Variants in DMD observed in about 807,000 individuals in gnomAD.
DMD encodes dystrophin, also known as mutant dystrophin.
DMD carries 63 observed loss-of-function variants against 330.1 expected under a neutral mutation model. The ratio of observed to expected loss-of-function variants is 0.19; its 90% CI spans 0.16 to 0.24. The LOEUF is 0.24. Among genes scored for constraint, DMD ranks in the 10% least tolerant of loss-of-function variants. The probability of loss-of-function intolerance (pLI) is 1.00; values close to 1 mark genes in which losing one functional copy is unlikely to be tolerated. For synonymous variants in DMD, 1,223 were observed against 959.8 expected, an observed-to-expected ratio of 1.27 and a Z score of -5.07; for missense variants, 3,344 against 2,684.1, an observed-to-expected ratio of 1.25 and a Z score of -5.43.
Position 31,223,182 on chromosome X carries a change from C to T in DMD, c.9287-61G>A, listed in dbSNP as rs1007120117. On this transcript the variant is annotated intron_variant, in intron 63 of 78. Transcript: ENST00000357033. Reference sequence around the variant, plus strand: ...CATCAGAAATAACAGACAACCCACCCCCGACGCCCAGTGATTTGCCAATAA... The same window carrying T: ...CATCAGAAATAACAGACAACCCACCTCCGACGCCCAGTGATTTGCCAATAA... The T allele has an allele frequency of 3.0e-5, 31 of 1,027,785 alleles. 1 individual carries two copies. Among genetic ancestry groups the T allele is most frequent in the Middle Eastern group, 5.0e-4 (2 of 3,963 alleles). 84.7% of individuals were successfully genotyped at this position (1,027,785 alleles called of 1,213,427 possible).
At chrX:32,717,756 C>A (rs1196939904) in intron 7 of DMD, among the ~76,000 whole-genome samples, 16 of 111,386 alleles carry the variant, frequency 1.4e-4, no homozygotes, top group Non-Finnish European at 1.9e-5. Context: ...ACTAAGGGTG[C>A]TGTACACCCT....
Position 31,559,640 on chromosome X carries a change from C to CAAAAA in DMD, c.8218-52192_8218-52188dup, listed in dbSNP as rs1167550498. Reference sequence around the variant, plus strand: ...TGGGCGACAGAGCGAAACTCCGTCTCAAAAAAAAAAAAAAAAAAAAAAAAA... The same window carrying CAAAAA: ...TGGGCGACAGAGCGAAACTCCGTCTCAAAAAAAAAAAAAAAAAAAAAAAAAAAAAA... On this transcript the variant is annotated intron_variant, in intron 55 of 78. Transcript: ENST00000357033. Among the ~76,000 whole-genome samples, 159 of 21,629 alleles carry CAAAAA rather than the reference C, an allele frequency of 7.4e-3. 9 individuals are homozygous for CAAAAA. Among genetic ancestry groups the CAAAAA allele is most frequent in the Non-Finnish European group, 0.014 (138 of 9,538 alleles). 18.8% of individuals were successfully genotyped at this position (21,629 alleles called of 115,157 possible). A position where few individuals can be genotyped will look rare whatever the true frequency, so the allele number is the denominator to read the frequency against.
intron 29 of DMD, among the ~76,000 whole-genome samples, chrX:32,423,066 G>A (rs2098196816): frequency 1.8e-5 from 2 of 110,860 alleles, no homozygotes; most frequent in African/African-American, 6.5e-5. Context: ...AAGGTACATT[G>A]ATAAACTTAA....
Position 32,448,586 on chromosome X carries a change from T to G in DMD, c.3656A>C (p.Glu1219Ala), listed in dbSNP as rs745701287. Residue 1219 changes from glutamate (E) to alanine (A), a missense_variant, in exon 27 of 79, where the codon GAG becomes GCG. Physicochemically the swap from Glu to Ala is moderately radical, Grantham distance 107. Transcript: ENST00000357033. The part of the protein sequence containing the change: ...QKEAKVKLLT[E>A]SVNSVIAQAP... The stretch of plus-strand genomic sequence containing the variant: ...TTGAGCTATGACACTATTTACAGAC[T>G]CAGTAAGGAGTTTCACTTTCGCTTC... 3.0e-5 allele frequency: 36 copies of G among 1,206,623 alleles called. No individual in the cohort carries two copies. In the South Asian group the frequency reaches 5.7e-4, roughly 19 times the overall value.
rs1165243274 is a variant in DMD at position 32,817,483 on chromosome X, A to G, written c.358-843T>C. 3.6e-5 allele frequency among the ~76,000 whole-genome samples: 4 copies of G among 112,057 alleles called. No homozygotes were observed. The East Asian group carries it at 1.1e-3, about 31-fold the overall frequency. On this transcript the variant is annotated intron_variant, in intron 5 of 78. Transcript: ENST00000357033. ...CTAAGCATTTTTTCTAAGTTTCATG[A>G]ATGCAGTGACGCTTCATAGAAAAAA...
At chrX:32,590,656 T>A (rs1314136570) in intron 13 of DMD, among the ~76,000 whole-genome samples, 1 of 111,723 alleles carries the variant, frequency 9.0e-6, no homozygotes, top group Admixed American at 9.5e-5. Flanking sequence ...CCCTCGGACA[T>A]CAGACTCCAG....
At chrX:31,801,907 G>A (rs1032471263) in intron 50 of DMD, among the ~76,000 whole-genome samples, 2 of 111,174 alleles carry the variant, frequency 1.8e-5, no homozygotes, top group Non-Finnish European at 3.8e-5. Flanking sequence ...GGTAAGGAGC[G>A]TCTTTCCTGA....
chrX:31,706,275 A>G (rs1199224844), intron 52 of DMD, among the ~76,000 whole-genome samples: 1 of 110,986 alleles, frequency 9.0e-6, no homozygotes. Context: ...TCAGGTAGCC[A>G]AGTTAGTCAA....
chrX:32,644,145 C>T lies in DMD; in HGVS notation c.1318G>A (p.Glu440Lys), dbSNP rs189143447. ...RWECLRVASM[E>K]KQSNLHRVLM... ...ATAAGGACTTACTTGCTTTGTTTTTCCATGCTAGCTACCCTGAGGCATTCC... is the reference window on the plus strand; with the variant it reads ...ATAAGGACTTACTTGCTTTGTTTTTTCATGCTAGCTACCCTGAGGCATTCC... The change falls in exon 11 of 79, where the codon GAA becomes AAA. Residue 440 changes from glutamate to lysine, a missense_variant. Transcript: ENST00000357033. The T allele has an allele frequency of 1.6e-4, 197 of 1,205,363 alleles. No homozygotes were observed. The East Asian group carries it at 4.4e-3, about 27-fold the overall frequency.
chrX:31,138,025 G>A (rs1329138200), intron 76 of DMD, among the ~76,000 whole-genome samples: 1 of 112,027 alleles, frequency 8.9e-6, no homozygotes, highest in Non-Finnish European at 1.9e-5. Context: ...TGGGAAAACA[G>A]TACTTCCCTG....
At position 32,511,900 on chromosome X, in the gene DMD, A is replaced by C. The variant is rs3805055; in HGVS notation, c.2292+6108T>G. On this transcript the variant is annotated intron_variant, in intron 18 of 78. Coordinates refer to ENST00000357033, the MANE Select transcript of DMD (RefSeq NM_004006.3). ...ATATATGATCACATGTTTAGAAGCC[A>C]CTACTCGGATTCTAAATTATTTAGT... Among the ~76,000 whole-genome samples, 879 of 111,877 alleles carry C rather than the reference A, an allele frequency of 7.9e-3. 17 individuals are homozygous for C. The highest frequency in any genetic ancestry group is 0.06 in the Admixed American group (624 of 10,474).
chrX:33,071,823 C>A (rs1275177867), intron 1 of DMD, among the ~76,000 whole-genome samples: 1 of 112,074 alleles, frequency 8.9e-6, no homozygotes, highest in East Asian at 2.8e-4. Context: ...TCTTTTGCAT[C>A]TTACCCGGTA....
intron 1 of DMD, among the ~76,000 whole-genome samples, chrX:33,306,012 T>C (rs891211688): frequency 8.9e-6 from 1 of 111,929 alleles, no homozygotes; most frequent in African/African-American, 3.2e-5. Context: ...CAAACACATT[T>C]TCTAAGAACT....
intron 1 of DMD, among the ~76,000 whole-genome samples, chrX:33,227,712 A>AAG (rs759143130): frequency 0.016 from 1,675 of 104,739 alleles, 13 homozygotes; most frequent in Non-Finnish European, 0.017. Flanking sequence ...ATAGTTTTTA[A>AAG]AGAGAGAGAG....
chrX:32,731,152 A>G (rs995155617), intron 7 of DMD, among the ~76,000 whole-genome samples: 1 of 112,214 alleles, frequency 8.9e-6, no homozygotes. Context: ...GGGGTGACGG[A>G]CAGCACCTGG....
intron 2 of DMD, among the ~76,000 whole-genome samples, chrX:32,978,993 T>C (rs1424010764): frequency 8.9e-6 from 1 of 112,084 alleles, no homozygotes; most frequent in Non-Finnish European, 1.9e-5. Flanking sequence ...TTATTTCTCC[T>C]AGACAGAAAT....
In DMD at chrX:32,844,780, T is replaced by C. The variant is rs748003531; in HGVS notation, c.264+3A>G. ...TCCAGACCTTGTCCAGGGTACTACT[T>C]ACATTATTGTTCTGCAAAACCCGCA... On this transcript the variant is annotated splice_donor_region_variant and intron_variant, in intron 4 of 78. Coordinates refer to ENST00000357033, the MANE Select transcript of DMD (RefSeq NM_004006.3). The C allele has an allele frequency of 8.3e-7, 1 of 1,205,677 alleles. No homozygotes were observed. The highest frequency in any genetic ancestry group is 1.8e-5 in the South Asian group (1 of 56,835).
At chrX:31,882,738 A>C (rs2094093375) in intron 47 of DMD, among the ~76,000 whole-genome samples, 1 of 112,243 alleles carries the variant, frequency 8.9e-6, no homozygotes, top group African/African-American at 3.2e-5. Flanking sequence ...GGATATAAAA[A>C]TGGCACTAAT....
At chrX:32,254,203 G>A (rs2097289408) in intron 43 of DMD, among the ~76,000 whole-genome samples, 1 of 111,059 alleles carries the variant, frequency 9.0e-6, no homozygotes, top group Admixed American at 9.6e-5. Flanking sequence ...CAACACGCCT[G>A]GCCAATTTTT....
Sources: gnomAD v4.1 joint callset for allele counts (sites outside exome capture counted in the v4.1 genomes callset) on GRCh38, gnomAD v4.1.1 for gene constraint, MANE v1.5 for transcripts, NCBI Gene and HGNC (gene_info 2026-07-23, HGNC 2026-07-21) for gene names.